Variants in KHDRBS2 observed in about 807,000 individuals in gnomAD.
KHDRBS2 encodes KH RNA binding domain containing, signal transduction associated 2.
In KHDRBS2, 26 loss-of-function variants were observed where a neutral mutation model predicts 44.3. The ratio of observed to expected loss-of-function variants is 0.59; its 90% CI spans 0.43 to 0.81. The LOEUF is 0.81. Among genes scored for constraint, KHDRBS2 ranks in the 40% least tolerant of loss-of-function variants. The pLI, the probability that KHDRBS2 is intolerant of heterozygous loss-of-function variation, is 0.00. For missense variants in KHDRBS2, 476 were observed against 433.1 expected (o/e 1.10, Z -0.88); for synonymous variants, 194 against 151.1 (o/e 1.28, Z -2.08).
intron 3 of KHDRBS2, among the ~76,000 whole-genome samples, chr6:62,040,869 C>A (rs989394254): frequency 6.6e-6 from 1 of 152,032 alleles, no homozygotes; most frequent in Non-Finnish European, 1.5e-5. Flanking sequence ...TGAAACTATC[C>A]AGATTCAAGG....
rs188033948 is a variant in KHDRBS2 at position 62,058,641 on chromosome 6, C to T, written c.220-10647G>A. On this transcript the variant is annotated intron_variant, in intron 2 of 8. Transcript: ENST00000281156. ...CATTTCAGGTATTCATAGTACCAAT[C>T]ATCAAAAAACATTGGTGAGCAAGAG... 2.0e-5 allele frequency among the ~76,000 whole-genome samples: 3 copies of T among 151,898 alleles called. No homozygotes were observed. The East Asian group carries it at 5.9e-4, about 30-fold the overall frequency.
chr6:61,610,054 TAGTCCC>T, the KHDRBS2 span, among the ~76,000 whole-genome samples: 3 of 152,014 alleles, frequency 2.0e-5, no homozygotes, highest in Non-Finnish European at 4.4e-5. Context: ...TTGGTGCCTG[TAGTCCC>T]AGCTACTCGG....
intron 2 of KHDRBS2, among the ~76,000 whole-genome samples, chr6:62,151,075 G>A (rs1357155581): frequency 2.0e-5 from 3 of 152,088 alleles, no homozygotes; most frequent in Admixed American, 6.6e-5. Context: ...GCAGGGTCAG[G>A]GGTGGGAGCA....
intron 1 of KHDRBS2, among the ~76,000 whole-genome samples, chr6:62,218,073 C>T (rs572633929): frequency 6.6e-5 from 10 of 151,860 alleles, no homozygotes; most frequent in East Asian, 3.9e-4. Context: ...CTTGCCAACA[C>T]GGGAAGAGAC....
intron 6 of KHDRBS2, among the ~76,000 whole-genome samples, chr6:61,843,115 A>G (rs1463796743): frequency 6.6e-6 from 1 of 152,016 alleles, no homozygotes; most frequent in African/African-American, 2.4e-5. Context: ...TTTATATGAA[A>G]TGTCCAGAAT....
intron 6 of KHDRBS2, among the ~76,000 whole-genome samples, chr6:61,799,525 A>G (rs1195617206): frequency 6.6e-6 from 1 of 152,052 alleles, no homozygotes; most frequent in Admixed American, 6.6e-5. Context: ...ATATTTTCAA[A>G]CACATAATCA....
the KHDRBS2 span, among the ~76,000 whole-genome samples, chr6:61,573,977 A>G: frequency 6.6e-6 from 1 of 152,160 alleles, no homozygotes; most frequent in African/African-American, 2.4e-5. Context: ...GCCAGAAATG[A>G]TGCCAAATAC....
At chr6:62,136,619 T>C (rs1298184555) in intron 2 of KHDRBS2, among the ~76,000 whole-genome samples, 1 of 152,228 alleles carries the variant, frequency 6.6e-6, no homozygotes, top group Non-Finnish European at 1.5e-5. Flanking sequence ...GTTTGTATTT[T>C]TCTCTTCTAT....
At chr6:61,643,899 C>A in the KHDRBS2 span, among the ~76,000 whole-genome samples, 1 of 152,108 alleles carries the variant, frequency 6.6e-6, no homozygotes, top group Non-Finnish European at 1.5e-5. Flanking sequence ...TTTACAGATT[C>A]AATGCTATTC....
At chr6:61,709,416 T>C (rs138505064) in intron 7 of KHDRBS2, among the ~76,000 whole-genome samples, 1 of 151,574 alleles carries the variant, frequency 6.6e-6, no homozygotes, top group Non-Finnish European at 1.5e-5. Context: ...CAATGATTCC[T>C]TTTATAAAAA....
the KHDRBS2 span, among the ~76,000 whole-genome samples, chr6:61,543,651 C>A: frequency 6.6e-6 from 1 of 152,172 alleles, no homozygotes; most frequent in African/African-American, 2.4e-5. Flanking sequence ...TATCTACACT[C>A]CCATATTTCT....
chr6:62,107,155 C>A (rs915013127), intron 2 of KHDRBS2, among the ~76,000 whole-genome samples: 15 of 151,880 alleles, frequency 9.9e-5, no homozygotes, highest in Non-Finnish European at 1.6e-4. Flanking sequence ...GTCAAATTGT[C>A]CCTGTTTGCA....
chr6:61,627,946 A>T, the KHDRBS2 span, among the ~76,000 whole-genome samples: 1 of 152,116 alleles, frequency 6.6e-6, no homozygotes, highest in Admixed American at 6.5e-5. Flanking sequence ...GGAACTCTAG[A>T]CCTTGTGACT....
chr6:61,839,905 T>G (rs1278991696), intron 6 of KHDRBS2, among the ~76,000 whole-genome samples: 2 of 152,148 alleles, frequency 1.3e-5, no homozygotes, highest in African/African-American at 2.4e-5. Context: ...TGATGGCTTC[T>G]AGTTTTGTGA....
chr6:62,174,204 A>G (rs1820638487), intron 2 of KHDRBS2, among the ~76,000 whole-genome samples: 1 of 151,952 alleles, frequency 6.6e-6, no homozygotes, highest in African/African-American at 2.4e-5. Context: ...AAGGAACTTA[A>G]GCTAAGTTTC....
At chr6:62,069,914 T>C (rs1159628612) in intron 2 of KHDRBS2, among the ~76,000 whole-genome samples, 3 of 151,824 alleles carry the variant, frequency 2.0e-5, no homozygotes, top group South Asian at 4.1e-4. Flanking sequence ...TACACTAGTA[T>C]CTACATACAT....
chr6:61,606,157 CT>C, the KHDRBS2 span, among the ~76,000 whole-genome samples: 4 of 152,206 alleles, frequency 2.6e-5, no homozygotes, highest in African/African-American at 4.8e-5. Flanking sequence ...GGCCCCACCC[CT>C]ATCTCCCTTC....
chr6:61,977,945 C>T (rs1773035483), intron 4 of KHDRBS2, 121 bp downstream of exon 4: 2 of 827,900 alleles, frequency 2.4e-6, no homozygotes, highest in Non-Finnish European at 3.8e-6. Context: ...TTGTATCGAC[C>T]TGTGGATAGA....
intron 4 of KHDRBS2, among the ~76,000 whole-genome samples, chr6:61,959,031 A>G (rs1417229346): frequency 6.6e-6 from 1 of 152,166 alleles, no homozygotes; most frequent in African/African-American, 2.4e-5. Flanking sequence ...TGTCACTTCA[A>G]CAACGTCTGT....
Sources: allele counts gnomAD v4.1 joint callset (sites outside exome capture counted in the v4.1 genomes callset), GRCh38; gene constraint gnomAD v4.1.1; transcripts MANE v1.5; gene names NCBI Gene and HGNC (gene_info 2026-07-23, HGNC 2026-07-21).